OMA1: variants seen among roughly 807,000 people sequenced by gnomAD.
OMA1 encodes OMA1 zinc metallopeptidase.
A neutral mutation model predicts 30.9 loss-of-function variants in OMA1; 38 were observed. The ratio of observed to expected loss-of-function variants is 1.23; its 90% CI spans 0.95 to 1.61. OMA1 has a LOEUF of 1.61. OMA1 is among the 40% of genes most tolerant of loss of function. The probability of loss-of-function intolerance (pLI) is 0.00; values close to 1 mark genes in which losing one functional copy is unlikely to be tolerated. For missense variants in OMA1, 461 were observed against 349.2 expected (o/e 1.32, Z -2.55); for synonymous variants, 173 against 121.9 (o/e 1.42, Z -2.76).
chr1:58,527,780 C>T (rs1646375166), intron 6 of OMA1, among the ~76,000 whole-genome samples: 1 of 152,202 alleles, frequency 6.6e-6, no homozygotes, highest in Non-Finnish European at 1.5e-5. Context: ...AAAAATTAAC[C>T]ATATAGCAGA....
intron 7 of OMA1, among the ~76,000 whole-genome samples, chr1:58,517,184 G>A (rs2100441539): frequency 6.6e-6 from 1 of 152,298 alleles, no homozygotes; most frequent in Middle Eastern, 3.4e-3. Flanking sequence ...ATGTGGAGGA[G>A]ACAAGAGCTC....
chr1:58,528,632 T>A (rs1038176775), intron 6 of OMA1, among the ~76,000 whole-genome samples: 1 of 152,088 alleles, frequency 6.6e-6, no homozygotes, highest in African/African-American at 2.4e-5. Context: ...ACAGGACAAC[T>A]CCCCCACAAC....
At chr1:58,492,376 C>T (rs1050258436) in intron 8 of OMA1, among the ~76,000 whole-genome samples, 3 of 151,940 alleles carry the variant, frequency 2.0e-5, no homozygotes, top group African/African-American at 7.3e-5. Flanking sequence ...AGAGCAAACA[C>T]ATTCAAAAGC....
At chr1:58,515,341 G>T (rs1313295304) in intron 7 of OMA1, among the ~76,000 whole-genome samples, 1 of 152,046 alleles carries the variant, frequency 6.6e-6, no homozygotes, top group Non-Finnish European at 1.5e-5. Flanking sequence ...GACATATGTT[G>T]GTCATTTAAT....
intron 8 of OMA1, among the ~76,000 whole-genome samples, chr1:58,491,430 T>C (rs1196987308): frequency 6.6e-6 from 1 of 152,136 alleles, no homozygotes. Flanking sequence ...ACCTTAAATG[T>C]AAATGGGCTA....
intron 8 of OMA1, among the ~76,000 whole-genome samples, chr1:58,485,062 T>C (rs577788535): frequency 6.6e-6 from 1 of 152,048 alleles, no homozygotes; most frequent in Non-Finnish European, 1.5e-5. Context: ...TAATGATGGG[T>C]CAACATAGGT....
At chr1:58,516,212 A>G (rs768320335) in intron 7 of OMA1, among the ~76,000 whole-genome samples, 1 of 152,332 alleles carries the variant, frequency 6.6e-6, no homozygotes, top group South Asian at 2.1e-4. Flanking sequence ...ACACCATGTC[A>G]TCCTAGAAGG....
At chr1:58,485,115 G>A (rs1158198302) in intron 8 of OMA1, among the ~76,000 whole-genome samples, 2 of 150,300 alleles carry the variant, frequency 1.3e-5, no homozygotes, top group Non-Finnish European at 3.0e-5. Context: ...ATGGGATTTT[G>A]ATGGTATGGG....
At chr1:58,492,127 A>G (rs1645705491) in intron 8 of OMA1, among the ~76,000 whole-genome samples, 1 of 152,182 alleles carries the variant, frequency 6.6e-6, no homozygotes, top group Admixed American at 6.5e-5. Context: ...AAACCACTCA[A>G]CCACATGGCA....
At chr1:58,501,367 T>G (rs1165702717) in intron 8 of OMA1, among the ~76,000 whole-genome samples, 1 of 152,238 alleles carries the variant, frequency 6.6e-6, no homozygotes, top group Non-Finnish European at 1.5e-5. Context: ...TGGTACTGTT[T>G]TGCAGGAGCT....
At chr1:58,536,271 T>A (rs1266258978) in intron 3 of OMA1, among the ~76,000 whole-genome samples, 1 of 152,008 alleles carries the variant, frequency 6.6e-6, no homozygotes, top group Admixed American at 6.6e-5. Flanking sequence ...AAGGTTTTCC[T>A]GAGAAAAGTG....
At chr1:58,530,779 A>G (rs1646423178) in intron 5 of OMA1, 50 bp from the exon 6 acceptor site, 2 of 832,248 alleles carry the variant, frequency 2.4e-6, no homozygotes, top group Admixed American at 3.6e-5. Flanking sequence ...TTGAGACAGT[A>G]TATGCTTACA....
At chr1:58,522,928 GTGGCA>G (rs1646289962) in intron 7 of OMA1, among the ~76,000 whole-genome samples, 1 of 152,180 alleles carries the variant, frequency 6.6e-6, no homozygotes, top group East Asian at 1.9e-4. Context: ...AGTTCCAGGG[GTGGCA>G]GAGGTAGAAC....
intron 8 of OMA1, among the ~76,000 whole-genome samples, chr1:58,491,272 C>T (rs1208990755): frequency 6.6e-6 from 1 of 152,126 alleles, no homozygotes; most frequent in East Asian, 1.9e-4. Flanking sequence ...AAGCACTAAA[C>T]ATGGAAAGGA....
chr1:58,504,051 A>G (rs1645948769), intron 8 of OMA1, among the ~76,000 whole-genome samples: 1 of 152,126 alleles, frequency 6.6e-6, no homozygotes. Context: ...AGTCTCCTAA[A>G]AAGTCTCCCT....
chr1:58,540,442 A>G (rs925431498), intron 1 of OMA1, among the ~76,000 whole-genome samples: 9 of 152,214 alleles, frequency 5.9e-5, no homozygotes, highest in African/African-American at 2.2e-4. Flanking sequence ...AAATAAACAA[A>G]TAACAGCATT....
rs1359411462 is a variant in OMA1, at chr1:58,512,073, T to TA, written c.1216-5865dup. Among the ~76,000 whole-genome samples the TA allele has an allele frequency of 5.3e-5, 8 of 152,176 alleles. No homozygotes were observed. In the South Asian group the frequency reaches 1.7e-3, roughly 32 times the overall value. ...CAACTCAATAGCAAAAAACCCAATTTAAAAAATAGGCAAAGGATCTCAATA... is the reference window on the plus strand; with the variant it reads ...CAACTCAATAGCAAAAAACCCAATTTAAAAAAATAGGCAAAGGATCTCAATA... On this transcript the variant is annotated intron_variant, in intron 7 of 8. Transcript: ENST00000371226.
intron 8 of OMA1, among the ~76,000 whole-genome samples, chr1:58,493,586 A>C (rs920885944): frequency 6.6e-6 from 1 of 151,468 alleles, no homozygotes; most frequent in Non-Finnish European, 1.5e-5. Context: ...ATACAAAATC[A>C]ATGTGCAAAA....
chr1:58,521,444 T>C (rs6668546), intron 7 of OMA1, among the ~76,000 whole-genome samples: 144,289 of 151,942 alleles, frequency 0.95, 68,953 homozygotes, highest in East Asian at 1. Context: ...AAATGGTAAC[T>C]GACATAACAG....
Sources: allele counts gnomAD v4.1 joint callset (sites outside exome capture counted in the v4.1 genomes callset), GRCh38; gene constraint gnomAD v4.1.1; transcripts MANE v1.5; gene names NCBI Gene and HGNC (gene_info 2026-07-23, HGNC 2026-07-21).